LGALS4: variants seen among roughly 807,000 people sequenced by gnomAD.
The protein encoded by LGALS4 is galectin 4.
LGALS4 carries 37 observed loss-of-function variants against 39.6 expected under a neutral mutation model. The observed-to-expected ratio is 0.93, with a 90% CI of 0.72 to 1.23. The LOEUF (loss-of-function observed/expected upper bound fraction) is 1.23, where lower values mean the gene tolerates loss of function less well. Among genes scored for constraint, LGALS4 ranks in the 50% most tolerant of loss-of-function variants. The pLI is 0.00. For synonymous variants in LGALS4, 160 were observed against 165.5 expected (o/e 0.97, Z 0.25); for missense variants, 397 against 433.2 (o/e 0.92, Z 0.74).
chr19:38,803,981 CCCACCA>C, intron 4 of LGALS4, 86 bp from the exon 5 acceptor site: 1 of 1,388,798 alleles, frequency 7.2e-7, no homozygotes, highest in Non-Finnish European at 1.0e-6. Flanking sequence ...CCTGGGGTGG[CCCACCA>C]CCACCACCAC....
chr19:38,810,885 T>A (rs1325845256), intron 2 of LGALS4, among the ~76,000 whole-genome samples: 2 of 150,202 alleles, frequency 1.3e-5, no homozygotes, highest in African/African-American at 2.5e-5. Context: ...TCATCTGACA[T>A]CTTACATATT....
At chr19:38,804,183 G>A (rs748626821) in intron 4 of LGALS4, among the ~76,000 whole-genome samples, 10 of 152,130 alleles carry the variant, frequency 6.6e-5, no homozygotes, top group Admixed American at 2.0e-4. Context: ...GCCCTCACTC[G>A]CTGATCTTGA....
At chr19:38,812,770 G>A in intron 1 of LGALS4, 72 bp downstream of exon 1, 1 of 1,527,692 alleles carries the variant, frequency 6.5e-7, no homozygotes, top group Non-Finnish European at 9.0e-7. Flanking sequence ...CCCAGGATCA[G>A]AGTGGGGAAA....
At chr19:38,803,959 G>A (rs980029602) in intron 4 of LGALS4, 64 bp from the exon 5 acceptor site, 45 of 1,539,820 alleles carry the variant, frequency 2.9e-5, no homozygotes, top group Middle Eastern at 3.4e-4. Flanking sequence ...GAAAGATGTC[G>A]AGAGTGCCTG....
At chr19:38,805,672 C>T (rs1021742957) in intron 4 of LGALS4, among the ~76,000 whole-genome samples, 21 of 152,178 alleles carry the variant, frequency 1.4e-4, no homozygotes, top group Admixed American at 1.3e-4. Context: ...CTCCCCATCC[C>T]GGCCTTTATC....
intron 7 of LGALS4, 126 bp downstream of exon 7, chr19:38,803,396 A>G: frequency 1.1e-6 from 1 of 931,480 alleles, no homozygotes; most frequent in South Asian, 1.4e-5. Context: ...CTGACCACGA[A>G]CTCTATCTAC....
chr19:38,807,820 C>T (rs542996513), intron 3 of LGALS4, among the ~76,000 whole-genome samples: 2 of 152,302 alleles, frequency 1.3e-5, no homozygotes, highest in African/African-American at 4.8e-5. Flanking sequence ...TAATCTGTAA[C>T]CTTACCCTGT....
chr19:38,808,942 G>T lies in LGALS4; in HGVS notation c.141C>A (p.Phe47Leu). The change falls in exon 3 of 10, where the codon TTC becomes TTA. Residue 47 changes from phenylalanine to leucine, a missense_variant. Coordinates refer to ENST00000307751, the MANE Select transcript of LGALS4 (RefSeq NM_006149.4). ...GATCCTGCCCAACCACAAAGTTCAC[G>T]AAGAACCTGGCGGGACACAAAGGGC... Reference protein sequence around the residue: ...GVASEHMKRFFVNFVVGQDPG... With the variant: ...GVASEHMKRFLVNFVVGQDPG... The T allele has an allele frequency of 1.2e-6, 2 of 1,607,666 alleles. No homozygotes were observed. The highest frequency in any genetic ancestry group is 1.7e-6 in the Non-Finnish European group (2 of 1,176,814).
chr19:38,806,228 C>A (rs145417070), intron 4 of LGALS4, among the ~76,000 whole-genome samples: 1 of 150,240 alleles, frequency 6.7e-6, no homozygotes, highest in Non-Finnish European at 1.5e-5. Context: ...ATTAGCCGGG[C>A]GTGGTGGCAG....
At position 38,808,803 on chromosome 19, in the gene LGALS4, G is replaced by C; in HGVS notation, c.280C>G (p.Pro94Ala). Residue 94 changes from proline to alanine, a missense_variant, in exon 3 of 10, where the codon CCC (proline) becomes GCC (alanine). By Grantham distance (27) the Pro-to-Ala change is conservative (BLOSUM62 -1). Coordinates refer to ENST00000307751, the MANE Select transcript of LGALS4 (RefSeq NM_006149.4). ...TCAAAGGCGGCACCCTTTTTGAAGGGCATGCTCCTCTTCCTCTCCTCGCTG... is the reference window on the plus strand; with the variant it reads ...TCAAAGGCGGCACCCTTTTTGAAGGCCATGCTCCTCTTCCTCTCCTCGCTG... ...WGSEERKRSM[P>A]FKKGAAFELV... 1 of 1,614,090 alleles carries C rather than the reference G, an allele frequency of 6.2e-7. No homozygotes were observed. Among genetic ancestry groups the C allele is most frequent in the Non-Finnish European group, 8.5e-7 (1 of 1,180,002 alleles).
At chr19:38,808,704 T>C (rs370117525) in intron 3 of LGALS4, 40 bp downstream of exon 3, 3 of 1,528,400 alleles carry the variant, frequency 2.0e-6, no homozygotes, top group African/African-American at 2.7e-5. Context: ...ATGGCGCCAC[T>C]GCACTCCAGC....
In LGALS4 at chr19:38,801,880, T is replaced by C. The variant is rs2145350695; in HGVS notation, c.856A>G (p.Lys286Glu). 1.2e-6 allele frequency: 2 copies of C among 1,614,130 alleles called. No homozygotes were observed. The change falls in exon 10 of 10, where the codon AAG becomes GAG. Residue 286 changes from lysine (K) to glutamate (E), a missense_variant. Coordinates refer to ENST00000307751, the MANE Select transcript of LGALS4 (RefSeq NM_006149.4). ...LSIRCGLDRF[K>E]VYANGQHLFD... is the part of the protein sequence containing the mutation. ...AGGTGCTGGCCATTGGCGTAAACCT[T>C]GAAGCGATCCAAGCCACAGCGAATG...
chr19:38,806,608 G>C lies in LGALS4; in HGVS notation c.340-13C>G. The C allele has an allele frequency of 1.9e-6, 3 of 1,613,256 alleles. No individual in the cohort carries two copies. Among genetic ancestry groups the C allele is most frequent in the Non-Finnish European group, 2.5e-6 (3 of 1,179,678 alleles). ...CATTTACCACCACCTGGAGGGCAGA[G>C]ATGGGAGGTCAGGAGTCAGCACCCA... is the stretch of plus-strand genomic sequence containing the variant. On this transcript the variant is annotated splice_polypyrimidine_tract_variant and intron_variant, in intron 3 of 9. Coordinates refer to ENST00000307751, the MANE Select transcript of LGALS4 (RefSeq NM_006149.4).
At chr19:38,809,014 A>C in intron 2 of LGALS4, 66 bp from the exon 3 acceptor site, 1 of 1,383,728 alleles carries the variant, frequency 7.2e-7, no homozygotes, top group East Asian at 2.5e-5. Context: ...CTCCTCCAGG[A>C]AGCCCTCTCC....
intron 4 of LGALS4, 86 bp from the exon 5 acceptor site, chr19:38,803,981 CCCA>C (rs903757990): frequency 1.5e-3 from 2,128 of 1,373,478 alleles, no homozygotes; most frequent in Non-Finnish European, 1.9e-3. Context: ...CCTGGGGTGG[CCCA>C]CCACCACCAC....
At chr19:38,802,696 T>TA (rs1333951883) in intron 7 of LGALS4, among the ~76,000 whole-genome samples, 1 of 150,414 alleles carries the variant, frequency 6.6e-6, no homozygotes, top group Non-Finnish European at 1.5e-5. Context: ...TTTTTTTTTT[T>TA]AGGCAGAGTC....
chr19:38,810,016 AGGACAGGCCT>A (rs1165276646), intron 2 of LGALS4, among the ~76,000 whole-genome samples: 3 of 152,138 alleles, frequency 2.0e-5, no homozygotes, highest in Admixed American at 1.3e-4. Context: ...ATTACTCCCC[AGGACAGGCCT>A]GTCTCAGGGC....
rs540104856 is a variant in LGALS4 at position 38,802,826 on chromosome 19, C to A, written c.571-422G>T. 3.5e-3 allele frequency among the ~76,000 whole-genome samples: 525 copies of A among 151,822 alleles called. 2 individuals are homozygous for A. The highest frequency in any genetic ancestry group is 5.8e-3 in the Non-Finnish European group (396 of 67,936). On this transcript the variant is annotated intron_variant, in intron 7 of 9. Coordinates refer to ENST00000307751, the MANE Select transcript of LGALS4 (RefSeq NM_006149.4). ...CCTAGTAGCTGGGATTACAGGTGTG[C>A]GCCACCACACCTGGCTAACTTTTGT...
At chr19:38,803,713 C>A in intron 6 of LGALS4, 29 bp downstream of exon 6, 2 of 1,610,762 alleles carry the variant, frequency 1.2e-6, no homozygotes, top group Non-Finnish European at 8.5e-7. Flanking sequence ...CCACTCCTCA[C>A]CCGGGGCCCT....
Sources: gnomAD v4.1 joint callset for allele counts (sites outside exome capture counted in the v4.1 genomes callset) on GRCh38, gnomAD v4.1.1 for gene constraint, MANE v1.5 for transcripts, NCBI Gene and HGNC (gene_info 2026-07-23, HGNC 2026-07-21) for gene names.